PLCZ1: variants seen among roughly 807,000 people sequenced by gnomAD.
The protein encoded by PLCZ1 is 1-phosphatidylinositol 4,5-bisphosphate phosphodiesterase zeta-1.
In PLCZ1, 64 loss-of-function variants were observed where a neutral mutation model predicts 76.8. The ratio of observed to expected loss-of-function variants is 0.83; its 90% CI spans 0.68 to 1.03. PLCZ1 has a LOEUF of 1.03. PLCZ1 is among the 50% of genes least tolerant of loss of function. The probability of loss-of-function intolerance (pLI) is 0.00; values close to 1 mark genes in which losing one functional copy is unlikely to be tolerated. For synonymous variants in PLCZ1, 248 were observed against 230.8 expected (o/e 1.07, Z -0.68); for missense variants, 751 against 713.7 (o/e 1.05, Z -0.60).
intron 12 of PLCZ1, among the ~76,000 whole-genome samples, chr12:18,689,257 C>T (rs11829704): frequency 0.088 from 13,353 of 151,888 alleles, 701 homozygotes; most frequent in African/African-American, 0.14. Flanking sequence ...AGGTTCAGCT[C>T]GGTGTACCTC....
In PLCZ1 at chr12:18,701,687, C is replaced by G; in HGVS notation, c.949+5G>C. On this transcript the variant is annotated splice_donor_5th_base_variant and intron_variant, in intron 8 of 14. Transcript: ENST00000266505. ...CCACTTCTTCTTCCCATTCCTCCACCTTACCACGCTTATCAGAACCTTTTC... is the reference window on the plus strand; with the variant it reads ...CCACTTCTTCTTCCCATTCCTCCACGTTACCACGCTTATCAGAACCTTTTC... 1 of 1,612,782 alleles carries G rather than the reference C, an allele frequency of 6.2e-7. No homozygotes were observed. The highest frequency in any genetic ancestry group is 1.1e-5 in the South Asian group (1 of 91,020).
In PLCZ1 at chr12:18,696,242, C is replaced by T. The variant is rs199835667; in HGVS notation, c.1199G>A (p.Arg400Lys). ...LRVHEFIFHT[R>K]KFITRIYPKA... ...GGGATATATTCTGGTAATGAACTTC[C>T]TGGTGTGAAAAATAAACTCATGGAC... The change falls in exon 11 of 15, where the codon AGG (arginine) becomes AAG (lysine). Residue 400 changes from arginine to lysine, a missense_variant. By Grantham distance (26) the Arg-to-Lys change is conservative. Transcript: ENST00000266505. The T allele has an allele frequency of 2.6e-5, 41 of 1,584,854 alleles. No individual in the cohort carries two copies. Among genetic ancestry groups the T allele is most frequent in the Non-Finnish European group, 2.6e-6 (3 of 1,162,068 alleles).
chr12:18,647,861 T>A, the PLCZ1 span: 2 of 1,438,998 alleles, frequency 1.4e-6, no homozygotes, highest in South Asian at 3.0e-5. Flanking sequence ...TTTTCATTAT[T>A]TTCTCCGTTT....
chr12:18,700,176 G>T (rs1451222142), intron 9 of PLCZ1, among the ~76,000 whole-genome samples: 1 of 151,972 alleles, frequency 6.6e-6, no homozygotes, highest in Non-Finnish European at 1.5e-5. Context: ...AATGTAATAA[G>T]TATTGAGGAC....
At chr12:18,672,071 T>C in the PLCZ1 span, among the ~76,000 whole-genome samples, 1 of 152,202 alleles carries the variant, frequency 6.6e-6, no homozygotes, top group African/African-American at 2.4e-5. Flanking sequence ...TTTCAGCATA[T>C]GAATTTTATG....
At position 18,692,841 on chromosome 12, in the gene PLCZ1, A is replaced by T. The variant is rs1193613034; in HGVS notation, c.1461+2069T>A. ...CAAGCTCTAACAACTCAAGGACAAG[A>T]AAAAGAAATATGAACCTCCTGTACC... On this transcript the variant is annotated intron_variant, in intron 12 of 14. Transcript: ENST00000266505. 4 of 1,589,036 alleles carry T rather than the reference A, an allele frequency of 2.5e-6. No individual in the cohort carries two copies. The East Asian group carries it at 8.9e-5, about 36-fold the overall frequency.
chr12:18,732,628 TC>T (rs1005998203), intron 3 of PLCZ1, among the ~76,000 whole-genome samples: 12 of 152,178 alleles, frequency 7.9e-5, no homozygotes, highest in African/African-American at 2.7e-4. Flanking sequence ...TTCCTTGTTT[TC>T]CCCTCCCCCA....
the PLCZ1 span, among the ~76,000 whole-genome samples, chr12:18,677,280 C>T: frequency 0.011 from 1,703 of 152,150 alleles, 40 homozygotes; most frequent in African/African-American, 0.04. Context: ...GGAAAGATGG[C>T]GAGCAAGACA....
chr12:18,683,042 G>C (rs1312692075), downstream of PLCZ1: 1 of 596,872 alleles, frequency 1.7e-6, no homozygotes, highest in Non-Finnish European at 3.0e-6. Context: ...CGCCATGCTG[G>C]GTTAGGACCC....
At chr12:18,689,382 G>A (rs1213391794) in intron 12 of PLCZ1, among the ~76,000 whole-genome samples, 2 of 152,180 alleles carry the variant, frequency 1.3e-5, no homozygotes, top group Non-Finnish European at 2.9e-5. Context: ...GGCCCATGGT[G>A]GCTTTGAATG....
chr12:18,723,590 C>T (rs772065167), intron 3 of PLCZ1, 48 bp from the exon 4 acceptor site: 1 of 1,379,300 alleles, frequency 7.3e-7, no homozygotes, highest in Admixed American at 1.7e-5. Context: ...ATAAAAAATA[C>T]ATAAAATGAA....
chr12:18,697,825 T>A (rs533136397), intron 10 of PLCZ1, among the ~76,000 whole-genome samples: 22 of 152,088 alleles, frequency 1.4e-4, no homozygotes, highest in South Asian at 2.1e-4. Context: ...TTTCATTATG[T>A]TTATAATAAT....
chr12:18,711,464 A>G (rs1018385795), intron 6 of PLCZ1, among the ~76,000 whole-genome samples: 1 of 150,656 alleles, frequency 6.6e-6, no homozygotes, highest in Non-Finnish European at 1.5e-5. Flanking sequence ...CAGCACACCA[A>G]CATGGCACAT....
chr12:18,646,370 G>T, the PLCZ1 span, among the ~76,000 whole-genome samples: 1 of 152,126 alleles, frequency 6.6e-6, no homozygotes, highest in African/African-American at 2.4e-5. Context: ...TGGAAGAAGA[G>T]GTAGCCAAGA....
At chr12:18,675,052 A>G in the PLCZ1 span, among the ~76,000 whole-genome samples, 4 of 152,188 alleles carry the variant, frequency 2.6e-5, no homozygotes, top group Admixed American at 6.6e-5. Flanking sequence ...CTTATTCAAT[A>G]TGGTAGCTAC....
chr12:18,705,164 A>G lies in PLCZ1; in HGVS notation c.864+2T>C. The G allele has an allele frequency of 5.0e-6, 8 of 1,613,956 alleles. No homozygotes were observed. The highest frequency in any genetic ancestry group is 6.8e-6 in the Non-Finnish European group (8 of 1,179,930). On this transcript the variant is annotated splice_donor_variant, in intron 7 of 14. Transcript: ENST00000266505. LOFTEE classifies it high-confidence loss of function. ...CCTGAGTTTCTCAGAAAAAAATGTT[A>G]CCTCTGGTGATGGTAGAGTATCAGG...
intron 6 of PLCZ1, among the ~76,000 whole-genome samples, chr12:18,710,164 C>A (rs1485805673): frequency 6.8e-6 from 1 of 147,690 alleles, no homozygotes; most frequent in East Asian, 2.0e-4. Context: ...CATTTTGTCT[C>A]TTTTTCTTAT....
chr12:18,700,547 G>A (rs1955759519), intron 9 of PLCZ1, among the ~76,000 whole-genome samples: 1 of 131,316 alleles, frequency 7.6e-6, no homozygotes, highest in Non-Finnish European at 1.6e-5. Context: ...TAGTTGCTCT[G>A]CCAAGAGATA....
chr12:18,719,125 A>ATGC (rs1228005976), intron 5 of PLCZ1, among the ~76,000 whole-genome samples: 1 of 152,170 alleles, frequency 6.6e-6, no homozygotes, highest in Non-Finnish European at 1.5e-5. Flanking sequence ...TCTTCTTCAT[A>ATGC]TGCTTTCCTT....
Sources: gnomAD v4.1 joint callset for allele counts (sites outside exome capture counted in the v4.1 genomes callset) on GRCh38, gnomAD v4.1.1 for gene constraint, MANE v1.5 for transcripts, NCBI Gene and HGNC (gene_info 2026-07-23, HGNC 2026-07-21) for gene names.